FMN2: variants seen among roughly 807,000 people sequenced by gnomAD.
FMN2 encodes formin-2.
Under a neutral mutation model 142.3 loss-of-function variants are expected in FMN2, and 51 were observed. That is an observed-to-expected ratio of 0.36 (90% CI 0.29 to 0.45). FMN2 has a LOEUF of 0.45. FMN2 is among the 20% of genes least tolerant of loss of function. FMN2 has a pLI of 1.00. For missense variants in FMN2, 1,936 were observed against 2,122.8 expected (o/e 0.91, Z 1.73); for synonymous variants, 882 against 869.8 (o/e 1.01, Z -0.25).
chr1:240,415,147 C>T (rs940178755), intron 15 of FMN2, among the ~76,000 whole-genome samples: 1 of 152,100 alleles, frequency 6.6e-6, no homozygotes, highest in African/African-American at 2.4e-5. Context: ...AAATGCCCAT[C>T]AATGATAGAC....
chr1:240,261,501 G>A (rs529249513), intron 7 of FMN2, among the ~76,000 whole-genome samples: 14 of 152,090 alleles, frequency 9.2e-5, no homozygotes, highest in African/African-American at 3.4e-4. Context: ...CAGTACTCTA[G>A]GTTTTCATTT....
At chr1:240,149,728 A>G (rs1251035925) in intron 2 of FMN2, among the ~76,000 whole-genome samples, 2 of 152,240 alleles carry the variant, frequency 1.3e-5, no homozygotes, top group Non-Finnish European at 1.5e-5. Flanking sequence ...AACAGTATTC[A>G]TTTCCAAATA....
At chr1:240,278,606 T>C (rs935466223) in intron 7 of FMN2, among the ~76,000 whole-genome samples, 6 of 152,124 alleles carry the variant, frequency 3.9e-5, no homozygotes, top group Non-Finnish European at 7.4e-5. Flanking sequence ...TAATAGGAAA[T>C]TGCTTCTTCT....
chr1:240,451,456 AGG>A (rs1274887109), intron 16 of FMN2, among the ~76,000 whole-genome samples: 2 of 152,002 alleles, frequency 1.3e-5, no homozygotes, highest in Non-Finnish European at 2.9e-5. Flanking sequence ...CAGCGTCATT[AGG>A]TCAGTACCAA....
chr1:240,155,432 A>T (rs747000638), intron 2 of FMN2, among the ~76,000 whole-genome samples: 1 of 152,060 alleles, frequency 6.6e-6, no homozygotes, highest in African/African-American at 2.4e-5. Flanking sequence ...TTAGATGTGC[A>T]CTGCCATGCC....
At position 240,092,242 on chromosome 1, in the gene FMN2, C is replaced by T. The variant is rs573605616; in HGVS notation, c.133C>T (p.Leu45=). 4 of 1,522,240 alleles carry T rather than the reference C, an allele frequency of 2.6e-6. No individual in the cohort carries two copies. In the South Asian group the frequency reaches 3.5e-5, roughly 13 times the overall value. 94.3% of individuals were successfully genotyped at this position (1,522,240 alleles called of 1,614,324 possible). ...TKKGSGGKKA[L]GKHGKGGGGG... ...GAAGGGGAGCGGGGGCAAGAAGGCGCTAGGCAAGCACGGCAAGGGGGGAGG... is the reference window on the plus strand; with the variant it reads ...GAAGGGGAGCGGGGGCAAGAAGGCGTTAGGCAAGCACGGCAAGGGGGGAGG... Residue 45 remains leucine (L), a synonymous_variant, in exon 1 of 18, where the codon CTA becomes TTA. Transcript: ENST00000319653.
Position 240,091,896 on chromosome 1 carries a change from C to T in FMN2, c.-214C>T, listed in dbSNP as rs767660028. 4 of 772,326 alleles carry T rather than the reference C, an allele frequency of 5.2e-6. No individual in the cohort carries two copies. The African/African-American group carries it at 5.6e-5, about 11-fold the overall frequency. 47.8% of individuals were successfully genotyped at this position (772,326 alleles called of 1,614,324 possible). On this transcript the variant is annotated 5_prime_UTR_variant, in exon 1 of 18. Transcript: ENST00000319653. Reference sequence around the variant, plus strand: ...CGGCCCCTAGCCGCAGCCGCAGCCGCAGCGACGGCAGCCACGGGAGCCGCC... The same window carrying T: ...CGGCCCCTAGCCGCAGCCGCAGCCGTAGCGACGGCAGCCACGGGAGCCGCC...
intron 15 of FMN2, among the ~76,000 whole-genome samples, chr1:240,412,644 A>T (rs916540834): frequency 4.0e-5 from 6 of 149,634 alleles, no homozygotes; most frequent in African/African-American, 1.5e-4. Context: ...CAGAAACTTT[A>T]AAAAAAAAAG....
chr1:240,372,807 T>G (rs1377289505), intron 14 of FMN2, among the ~76,000 whole-genome samples: 10 of 152,156 alleles, frequency 6.6e-5, no homozygotes, highest in Non-Finnish European at 1.2e-4. Flanking sequence ...CAGTTACATT[T>G]ATGCTATACT....
Position 240,213,515 on chromosome 1 carries a change from T to C in FMN2, c.4065+2280T>C, listed in dbSNP as rs149559858. ...GTATTTGGAAGAAAAATCTGTCCAT[T>C]CCATTTACTTGAGACATTTAAAATT... On this transcript the variant is annotated intron_variant, in intron 6 of 17. Transcript: ENST00000319653. 7.6e-3 allele frequency among the ~76,000 whole-genome samples: 1,153 copies of C among 152,318 alleles called. 21 individuals are homozygous for C. The highest frequency in any genetic ancestry group is 0.027 in the African/African-American group (1,104 of 41,566).
intron 2 of FMN2, among the ~76,000 whole-genome samples, chr1:240,124,498 G>A (rs1662419595): frequency 6.6e-6 from 1 of 152,130 alleles, no homozygotes; most frequent in Non-Finnish European, 1.5e-5. Flanking sequence ...TCATTGTCAA[G>A]GCAGAGTATT....
Position 240,092,652 on chromosome 1 carries a change from G to A in FMN2, c.543G>A (p.Thr181=), listed in dbSNP as rs546118529. 6 of 1,614,086 alleles carry A rather than the reference G, an allele frequency of 3.7e-6. No individual in the cohort carries two copies. Among genetic ancestry groups the A allele is most frequent in the East Asian group, 4.5e-5 (2 of 44,858 alleles). The part of the protein sequence containing the change: ...DGQRTSSGSD[T]DIYSFHSATE... ...AAAGGACCAGCTCGGGCTCGGACACGGACATCTATAGCTTCCATTCGGCTA... is the reference window on the plus strand; with the variant it reads ...AAAGGACCAGCTCGGGCTCGGACACAGACATCTATAGCTTCCATTCGGCTA... The change falls in exon 1 of 18, where the codon ACG becomes ACA. Residue 181 remains threonine (T), a synonymous_variant. Transcript: ENST00000319653.
At chr1:240,290,110 GGTT>G (rs1669728050) in intron 7 of FMN2, among the ~76,000 whole-genome samples, 2 of 152,108 alleles carry the variant, frequency 1.3e-5, no homozygotes, top group Admixed American at 1.3e-4. Flanking sequence ...TATAATGCTT[GGTT>G]GTTTTGAATT....
At chr1:240,350,426 A>G (rs1185589341) in intron 13 of FMN2, among the ~76,000 whole-genome samples, 1 of 152,214 alleles carries the variant, frequency 6.6e-6, no homozygotes, top group Non-Finnish European at 1.5e-5. Flanking sequence ...CTTCCTCTGC[A>G]TTTCAGACAC....
At chr1:240,174,657 GC>G (rs1664843497) in intron 2 of FMN2, among the ~76,000 whole-genome samples, 1 of 152,120 alleles carries the variant, frequency 6.6e-6, no homozygotes, top group African/African-American at 2.4e-5. Context: ...GGAGCCACAT[GC>G]CTGGCTACAG....
intron 15 of FMN2, among the ~76,000 whole-genome samples, chr1:240,415,624 A>C (rs1008881660): frequency 6.6e-6 from 1 of 152,184 alleles, no homozygotes; most frequent in Non-Finnish European, 1.5e-5. Context: ...CAGCACCTGC[A>C]CTCGGTGTAA....
At position 240,334,099 on chromosome 1, in the gene FMN2, T is replaced by G; in HGVS notation, c.4645-10T>G. 1.3e-6 allele frequency: 2 copies of G among 1,585,978 alleles called. No individual in the cohort carries two copies. The highest frequency in any genetic ancestry group is 1.7e-6 in the Non-Finnish European group (2 of 1,172,782). On this transcript the variant is annotated splice_polypyrimidine_tract_variant and intron_variant, in intron 12 of 17. Coordinates refer to ENST00000319653, the MANE Select transcript of FMN2 (RefSeq NM_020066.5). Reference sequence around the variant, plus strand: ...TTTCTTTAAATATGATGGGGTTTTTTGTTCATTAGGATGCTGGAAAAGAAC... The same window carrying G: ...TTTCTTTAAATATGATGGGGTTTTTGGTTCATTAGGATGCTGGAAAAGAAC...
intron 4 of FMN2, among the ~76,000 whole-genome samples, chr1:240,197,998 C>CA (rs979434996): frequency 2.3e-4 from 35 of 151,674 alleles, no homozygotes; most frequent in East Asian, 1.6e-3. Flanking sequence ...AAACAAACAC[C>CA]AAAAAAAAGA....
At chr1:240,388,014 A>T (rs995006147) in intron 14 of FMN2, among the ~76,000 whole-genome samples, 14 of 151,736 alleles carry the variant, frequency 9.2e-5, no homozygotes, top group Non-Finnish European at 1.8e-4. Flanking sequence ...CGTTTCTACT[A>T]AAAATACAAA....
Sources: gnomAD v4.1 joint callset for allele counts (sites outside exome capture counted in the v4.1 genomes callset) on GRCh38, gnomAD v4.1.1 for gene constraint, MANE v1.5 for transcripts, NCBI Gene and HGNC (gene_info 2026-07-23, HGNC 2026-07-21) for gene names.